The following CCT5 variants were observed in gnomAD, a reference collection of about 807,000 sequenced individuals.
The protein encoded by CCT5 is T-complex protein 1 subunit epsilon.
Under a neutral mutation model 55.0 loss-of-function variants are expected in CCT5, and 6 were observed. That is an observed-to-expected ratio of 0.11 (90% CI 0.06 to 0.22). The LOEUF (loss-of-function observed/expected upper bound fraction) is 0.22. CCT5 is among the 10% of genes least tolerant of loss of function. The pLI is 1.00. For missense variants in CCT5, 560 were observed against 694.6 expected (o/e 0.81, Z 2.18); for synonymous variants, 231 against 243.7 (o/e 0.95, Z 0.49).
chr5:10,261,467 G>A (rs892350838), intron 7 of CCT5, 93 bp from the exon 8 acceptor site: 2 of 1,209,528 alleles, frequency 1.7e-6, no homozygotes, highest in Admixed American at 1.7e-5. Flanking sequence ...GAACAAGTTG[G>A]TCTTAGATCA....
upstream of CCT5, chr5:10,250,215 C>CAT (rs1175017089): frequency 6.4e-7 from 1 of 1,556,254 alleles, no homozygotes; most frequent in African/African-American, 1.4e-5. Flanking sequence ...TCAGTAGAAA[C>CAT]ATAAGTCCCG....
intron 8 of CCT5, 105 bp downstream of exon 8, chr5:10,261,850 A>T: frequency 1.1e-6 from 1 of 919,208 alleles, no homozygotes; most frequent in Non-Finnish European, 1.8e-6. Flanking sequence ...TAAGAAAAAT[A>T]ATCGTGGTTC....
At chr5:10,264,456 C>A (rs1027376745) in intron 10 of CCT5, 200 bp from the exon 11 acceptor site, 2 of 549,058 alleles carry the variant, frequency 3.6e-6, no homozygotes, top group Non-Finnish European at 3.3e-6. Context: ...TTACCAGGTG[C>A]GAGTTCCAGA....
chr5:10,250,108 T>A (rs1478276466), upstream of CCT5: 1 of 1,535,804 alleles, frequency 6.5e-7, no homozygotes, highest in Non-Finnish European at 8.7e-7. Flanking sequence ...AGATTTCCAC[T>A]AAGTGTCTTC....
At chr5:10,255,597 T>C (rs200607925) in intron 3 of CCT5, among the ~76,000 whole-genome samples, 1 of 57,778 alleles carries the variant, frequency 1.7e-5, no homozygotes, top group Non-Finnish European at 6.1e-5. Context: ...GAATAAATAA[T>C]AAACACGTTT....
At position 10,266,048 on chromosome 5, in the gene CCT5, T is replaced by TG. The variant is rs1221876765; in HGVS notation, c.*1266dup. 1 of 152,210 alleles carries TG rather than the reference T, an allele frequency of 6.6e-6. No individual in the cohort carries two copies. Among genetic ancestry groups the TG allele is most frequent in the Non-Finnish European group, 1.5e-5 (1 of 68,038 alleles). 9.4% of individuals were successfully genotyped at this position (152,210 alleles called of 1,614,324 possible). The stretch of plus-strand genomic sequence containing the variant: ...ATTGGATGTTTTGCTAAATAACTCC[T>TG]GTGGATTTAGGAATGTGTGCTAATA... On this transcript the variant is annotated 3_prime_UTR_variant, in exon 11 of 11. Transcript: ENST00000280326.
In CCT5 at chr5:10,250,295, T is replaced by G. The variant is rs760566804; in HGVS notation, c.-46T>G. On this transcript the variant is annotated 5_prime_UTR_variant, in exon 1 of 11. Transcript: ENST00000280326. ...AAAGGGAAGTGCATTCTCGCTTCCG[T>G]AGCGGTCTCCGCCGGTTGGGGGGAA... is the stretch of plus-strand genomic sequence containing the variant. 3.8e-5 allele frequency: 61 copies of G among 1,613,220 alleles called. No individual in the cohort carries two copies. The highest frequency in any genetic ancestry group is 3.3e-5 in the Admixed American group (2 of 59,948).
chr5:10,250,333 G>C lies in CCT5; in HGVS notation c.-8G>C. The C allele has an allele frequency of 6.2e-7, 1 of 1,614,042 alleles. No homozygotes were observed. The highest frequency in any genetic ancestry group is 8.5e-7 in the Non-Finnish European group (1 of 1,180,038). On this transcript the variant is annotated 5_prime_UTR_variant, in exon 1 of 11. Transcript: ENST00000280326. ...CGGTTGGGGGGAAGTAATTCCGGTT[G>C]TTGCACCATGGCGTCCATGGGGACC...
At position 10,250,887 on chromosome 5, in the gene CCT5, C is replaced by T. The variant is rs1745362126; in HGVS notation, c.105+442C>T. The T allele has an allele frequency of 7.7e-6, 8 of 1,038,724 alleles. No individual in the cohort carries two copies. The South Asian group carries it at 2.0e-4, about 26-fold the overall frequency. The allele number at this position is 1,038,724 out of a possible 1,614,324, so 64.3% of individuals were successfully genotyped here. ...CGGCCCTTCCGTTTTCTTTGTCACT[C>T]GTAAAGGTGTGGTCACTTAACAGGG... On this transcript the variant is annotated intron_variant, in intron 1 of 10. Coordinates refer to ENST00000280326, the MANE Select transcript of CCT5 (RefSeq NM_012073.5).
At chr5:10,260,070 G>A (rs1358659809) in intron 6 of CCT5, among the ~76,000 whole-genome samples, 1 of 152,184 alleles carries the variant, frequency 6.6e-6, no homozygotes, top group Non-Finnish European at 1.5e-5. Flanking sequence ...TAAGGAGGCT[G>A]CTGTTCTGGA....
rs2244964 is a variant in CCT5 at position 10,263,613 on chromosome 5, G to A, written c.1498+299G>A. Among the ~76,000 whole-genome samples, 112,218 of 152,170 alleles carry A rather than the reference G, an allele frequency of 0.74. 43,623 individuals carry two copies. The highest frequency in any genetic ancestry group is 0.87 in the East Asian group (4,491 of 5,186). On this transcript the variant is annotated intron_variant, in intron 10 of 10. Transcript: ENST00000280326. Reference sequence around the variant, plus strand: ...AATGCCTTATTGCTGTTTTTACACAGATGTCTGTCAGTGGGCAGCATATAT... The same window carrying A: ...AATGCCTTATTGCTGTTTTTACACAAATGTCTGTCAGTGGGCAGCATATAT...
At chr5:10,254,990 T>G in intron 3 of CCT5, 152 bp downstream of exon 3, 2 of 664,192 alleles carry the variant, frequency 3.0e-6, no homozygotes, top group South Asian at 3.4e-5. Context: ...ATGTCGGACT[T>G]TCAAAACTGA....
chr5:10,261,454 A>G (rs1745955437), intron 7 of CCT5, 106 bp from the exon 8 acceptor site: 1 of 1,022,052 alleles, frequency 9.8e-7, no homozygotes, highest in Non-Finnish European at 1.5e-6. Context: ...CAGCAGTTCT[A>G]GTGAACAAGT....
chr5:10,261,758 C>G lies in CCT5; in HGVS notation c.1179+13C>G. 1 of 1,607,686 alleles carries G rather than the reference C, an allele frequency of 6.2e-7. No homozygotes were observed. On this transcript the variant is annotated intron_variant, in intron 8 of 10. Transcript: ENST00000280326. ...AGGAAATAAGATGGTGAGAATTCAACTATTTGTCCTATACTGTTGCTTATT... is the reference window on the plus strand; with the variant it reads ...AGGAAATAAGATGGTGAGAATTCAAGTATTTGTCCTATACTGTTGCTTATT...
At chr5:10,260,275 G>A (rs779105154) in intron 6 of CCT5, among the ~76,000 whole-genome samples, 7 of 152,200 alleles carry the variant, frequency 4.6e-5, no homozygotes, top group African/African-American at 1.2e-4. Context: ...TTTGCAGGTC[G>A]GGGTGAGGGT....
Position 10,250,419 on chromosome 5 carries a change from C to T in CCT5, c.79C>T (p.Arg27Cys). The T allele has an allele frequency of 6.2e-7, 1 of 1,613,826 alleles. No homozygotes were observed. The change falls in exon 1 of 11, where the codon CGT becomes TGT. Residue 27 changes from arginine to cysteine, a missense_variant. Physicochemically the swap from Arg to Cys is radical, Grantham distance 180. This residue lies in a region of CCT5 where 137 missense variants were observed against 181.9 expected (regional missense o/e 0.75). Coordinates refer to ENST00000280326, the MANE Select transcript of CCT5 (RefSeq NM_012073.5). ...CATCAAGGATCAGGACCGCAAGTCCCGTCTTATGGGACTTGAGGCCCTCAA... is the reference window on the plus strand; with the variant it reads ...CATCAAGGATCAGGACCGCAAGTCCTGTCTTATGGGACTTGAGGCCCTCAA... Reference protein sequence around the residue: ...LIIKDQDRKSRLMGLEALKSH... With the variant: ...LIIKDQDRKSCLMGLEALKSH...
chr5:10,258,642 C>A, intron 6 of CCT5, 107 bp downstream of exon 6: 1 of 1,021,592 alleles, frequency 9.8e-7, no homozygotes, highest in Non-Finnish European at 1.5e-6. Flanking sequence ...AAAACATACA[C>A]AGGAAAAAAC....
chr5:10,262,997 C>A (rs200122374), intron 9 of CCT5, 137 bp from the exon 10 acceptor site: 8 of 761,992 alleles, frequency 1.0e-5, no homozygotes, highest in East Asian at 2.6e-5. Context: ...CTGATAGATA[C>A]AAAAATAAAG....
rs755417554 is a variant in CCT5 at position 10,262,483 on chromosome 5, C to A, written c.1182C>A (p.Ile394=). The A allele has an allele frequency of 2.0e-5, 32 of 1,613,882 alleles. No individual in the cohort carries two copies. The highest frequency in any genetic ancestry group is 2.5e-5 in the Non-Finnish European group (30 of 1,180,026). ...TIFIRGGNKM[I]IEEAKRSLHD... ...TCAGGCAAAGCTGTTTTCCTTAGATCATTGAGGAGGCGAAACGATCCCTTC... is the reference window on the plus strand; with the variant it reads ...TCAGGCAAAGCTGTTTTCCTTAGATAATTGAGGAGGCGAAACGATCCCTTC... The change falls in exon 9 of 11, where the codon ATC becomes ATA. Residue 394 remains isoleucine, a splice_region_variant and synonymous_variant. Transcript: ENST00000280326.
Sources: allele counts gnomAD v4.1 joint callset (sites outside exome capture counted in the v4.1 genomes callset), GRCh38; gene constraint gnomAD v4.1.1; regional missense constraint gnomAD v4.1.1; transcripts MANE v1.5; gene names NCBI Gene and HGNC (gene_info 2026-07-23, HGNC 2026-07-21).